Variants in GLIS3 observed in about 807,000 individuals in gnomAD.
The protein encoded by GLIS3 is GLIS family zinc finger 3.
In GLIS3, 53 loss-of-function variants were observed where a neutral mutation model predicts 78.6. The ratio of observed to expected loss-of-function variants is 0.67; its 90% CI spans 0.54 to 0.85. The LOEUF (loss-of-function observed/expected upper bound fraction) is 0.85. GLIS3 is among the 40% of genes least tolerant of loss of function. The pLI, the probability that GLIS3 is intolerant of heterozygous loss-of-function variation, is 0.00. For missense variants in GLIS3, 1,703 were observed against 1,231.1 expected (o/e 1.38, Z -5.74); for synonymous variants, 684 against 509.9 (o/e 1.34, Z -4.60).
intron 6 of GLIS3, among the ~76,000 whole-genome samples, chr9:3,926,624 TTTTC>T (rs754463246): frequency 3.0e-4 from 45 of 152,008 alleles, no homozygotes; most frequent in African/African-American, 9.9e-4. Flanking sequence ...TCCTTCCTTC[TTTTC>T]TTTCTTTCTT....
the GLIS3 span, among the ~76,000 whole-genome samples, chr9:4,391,289 A>T: frequency 6.6e-6 from 1 of 152,196 alleles, no homozygotes; most frequent in South Asian, 2.1e-4. Flanking sequence ...TCCTTCAGAA[A>T]TTCCTTAGAG....
the GLIS3 span, among the ~76,000 whole-genome samples, chr9:4,418,406 T>C: frequency 6.6e-6 from 1 of 152,234 alleles, no homozygotes; most frequent in Non-Finnish European, 1.5e-5. Context: ...GGATTTGCTC[T>C]ATCTGTAAAA....
intron 2 of GLIS3, among the ~76,000 whole-genome samples, chr9:4,268,559 AG>A (rs1217204673): frequency 6.6e-6 from 1 of 152,226 alleles, no homozygotes; most frequent in African/African-American, 2.4e-5. Flanking sequence ...AGACCTAAGT[AG>A]TCCCATCATT....
chr9:4,175,664 G>T (rs981648613), intron 2 of GLIS3, among the ~76,000 whole-genome samples: 1 of 152,086 alleles, frequency 6.6e-6, no homozygotes, highest in Non-Finnish European at 1.5e-5. Flanking sequence ...CCACTGTACT[G>T]GATAAGAAAT....
At chr9:4,290,292 C>T (rs1380985269) in intron 1 of GLIS3, among the ~76,000 whole-genome samples, 2 of 152,100 alleles carry the variant, frequency 1.3e-5, no homozygotes, top group Non-Finnish European at 1.5e-5. Context: ...ATAGAAAACC[C>T]GATAATGAGG....
chr9:4,303,270 C>CAG (rs1243280910), upstream of GLIS3, among the ~76,000 whole-genome samples: 1 of 143,804 alleles, frequency 7.0e-6, no homozygotes, highest in African/African-American at 2.9e-5. Context: ...AAAACACAGA[C>CAG]ACACACACAC....
At chr9:4,408,635 G>C in the GLIS3 span, among the ~76,000 whole-genome samples, 5 of 144,030 alleles carry the variant, frequency 3.5e-5, no homozygotes, top group Non-Finnish European at 6.0e-5. Flanking sequence ...GCTGAGGCAG[G>C]AGAATGGCGT....
chr9:4,171,905 C>G (rs1257877119), intron 2 of GLIS3, among the ~76,000 whole-genome samples: 2 of 152,064 alleles, frequency 1.3e-5, no homozygotes, highest in African/African-American at 4.8e-5. Flanking sequence ...TAAAGGGAAA[C>G]CAATAAGCAA....
At chr9:4,127,736 T>C (rs1479365665) in intron 2 of GLIS3, among the ~76,000 whole-genome samples, 3 of 152,132 alleles carry the variant, frequency 2.0e-5, no homozygotes, top group Non-Finnish European at 2.9e-5. Context: ...CCATTGCTAC[T>C]AGCCACTATT....
At chr9:4,469,320 C>A in the GLIS3 span, among the ~76,000 whole-genome samples, 1 of 152,174 alleles carries the variant, frequency 6.6e-6, no homozygotes, top group Non-Finnish European at 1.5e-5. Flanking sequence ...CACCCCAAAT[C>A]AACAGAATAT....
At chr9:4,393,992 G>A in the GLIS3 span, among the ~76,000 whole-genome samples, 4 of 151,890 alleles carry the variant, frequency 2.6e-5, no homozygotes, top group Non-Finnish European at 4.4e-5. Flanking sequence ...AACAGAAAAT[G>A]GTTTTTCTGA....
chr9:4,200,036 A>G (rs1432350124), intron 2 of GLIS3, among the ~76,000 whole-genome samples: 1 of 152,184 alleles, frequency 6.6e-6, no homozygotes, highest in Non-Finnish European at 1.5e-5. Context: ...CATGGAAATT[A>G]ACTTACTTCA....
At chr9:4,349,730 ATACTT>A (rs1478404554), upstream of GLIS3, among the ~76,000 whole-genome samples, 2 of 151,498 alleles carry the variant, frequency 1.3e-5, no homozygotes, top group Non-Finnish European at 2.9e-5. Context: ...AGAAAAAAAA[ATACTT>A]TAAGCAGGGC....
At chr9:4,311,204 T>C (rs545841758) in intron 2 of GLIS3, among the ~76,000 whole-genome samples, 1 of 151,210 alleles carries the variant, frequency 6.6e-6, no homozygotes, top group Non-Finnish European at 1.5e-5. Context: ...AGCCCCGGAG[T>C]TCAAGACCAG....
chr9:3,993,269 C>T (rs1313136846), intron 4 of GLIS3, among the ~76,000 whole-genome samples: 1 of 152,124 alleles, frequency 6.6e-6, no homozygotes, highest in Non-Finnish European at 1.5e-5. Flanking sequence ...TGCTGCTTCC[C>T]CTGACAGTTC....
intron 6 of GLIS3, among the ~76,000 whole-genome samples, chr9:3,929,407 T>C (rs540021149): frequency 6.6e-6 from 1 of 152,302 alleles, no homozygotes; most frequent in East Asian, 1.9e-4. Context: ...AGGTTTTTCT[T>C]GGTTTTCAGT....
the GLIS3 span, among the ~76,000 whole-genome samples, chr9:4,404,896 TGAA>T: frequency 3.2e-4 from 49 of 151,690 alleles, no homozygotes; most frequent in African/African-American, 1.1e-3. Flanking sequence ...GAAACTAAAA[TGAA>T]GAAGACAATA....
chr9:3,953,934 C>T (rs991494463), intron 4 of GLIS3, among the ~76,000 whole-genome samples: 1 of 152,040 alleles, frequency 6.6e-6, no homozygotes. Context: ...CACCAATCAA[C>T]ATATCAAAAT....
intron 4 of GLIS3, among the ~76,000 whole-genome samples, chr9:3,989,911 G>C (rs919594422): frequency 6.6e-6 from 1 of 152,118 alleles, no homozygotes; most frequent in African/African-American, 2.4e-5. Flanking sequence ...GCCTGAATAG[G>C]TCATGATTTG....
Sources: gnomAD v4.1 joint callset for allele counts (sites outside exome capture counted in the v4.1 genomes callset) on GRCh38, gnomAD v4.1.1 for gene constraint, MANE v1.5 for transcripts, NCBI Gene and HGNC (gene_info 2026-07-23, HGNC 2026-07-21) for gene names.